The following CADPS2 variants were observed in gnomAD, a reference collection of about 807,000 sequenced individuals.
The protein encoded by CADPS2 is calcium dependent secretion activator 2.
A neutral mutation model predicts 172.5 loss-of-function variants in CADPS2; 93 were observed. That is an observed-to-expected ratio of 0.54 (90% confidence interval 0.46 to 0.64). CADPS2 has a LOEUF of 0.64. Among genes scored for constraint, CADPS2 ranks in the 30% least tolerant of loss-of-function variants. The pLI, the probability that CADPS2 is intolerant of heterozygous loss-of-function variation, is 0.00. For missense variants in CADPS2, 1,420 were observed against 1,565.9 expected, an observed-to-expected ratio of 0.91 and a Z score of 1.57; for synonymous variants, 546 against 555.2, an observed-to-expected ratio of 0.98 and a Z score of 0.23.
intron 1 of CADPS2, among the ~76,000 whole-genome samples, chr7:122,776,307 C>T (rs35918217): frequency 0.2 from 30,263 of 152,060 alleles, 3,142 homozygotes; most frequent in Middle Eastern, 0.3. Flanking sequence ...GTAAGACATG[C>T]CTTTGCTCTT....
In CADPS2 at chr7:122,709,510, G is replaced by A. The variant is rs567547045; in HGVS notation, c.453+27445C>T. 2.0e-5 allele frequency among the ~76,000 whole-genome samples: 3 copies of A among 151,710 alleles called. No individual in the cohort carries two copies. In the East Asian group the frequency reaches 5.8e-4, roughly 29 times the overall value. ...GGAAGCCAGTGCAGCGATTCCTCAG[G>A]GATCTAGAACTAGAAATACCATTTG... is the stretch of plus-strand genomic sequence containing the variant. On this transcript the variant is annotated intron_variant, in intron 2 of 29. Transcript: ENST00000449022.
intron 17 of CADPS2, among the ~76,000 whole-genome samples, chr7:122,431,475 C>T (rs1002648100): frequency 1.3e-5 from 2 of 152,074 alleles, no homozygotes; most frequent in African/African-American, 4.8e-5. Context: ...ACTTTCAACA[C>T]CTGACATCGT....
At chr7:122,479,347 A>T (rs1173929325) in intron 12 of CADPS2, among the ~76,000 whole-genome samples, 2 of 152,238 alleles carry the variant, frequency 1.3e-5, no homozygotes, top group African/African-American at 2.4e-5. Flanking sequence ...ACTCCCATAC[A>T]GCTTGAAAAT....
chr7:122,482,611 G>T (rs187503546), intron 11 of CADPS2, among the ~76,000 whole-genome samples: 1 of 152,128 alleles, frequency 6.6e-6, no homozygotes, highest in Non-Finnish European at 1.5e-5. Context: ...AACGCTGCAC[G>T]TTGGGCAACG....
chr7:122,340,701 A>C (rs2036634006), intron 28 of CADPS2, among the ~76,000 whole-genome samples: 1 of 152,112 alleles, frequency 6.6e-6, no homozygotes, highest in Non-Finnish European at 1.5e-5. Context: ...GTGAGCAGCC[A>C]CTCTGCCTGG....
intron 2 of CADPS2, among the ~76,000 whole-genome samples, chr7:122,671,505 G>A (rs997461341): frequency 1.3e-5 from 2 of 152,088 alleles, no homozygotes; most frequent in African/African-American, 2.4e-5. Flanking sequence ...AAGCCTAGGA[G>A]TTAAGAGGCT....
At chr7:122,753,548 G>T (rs979403122) in intron 1 of CADPS2, among the ~76,000 whole-genome samples, 1 of 152,130 alleles carries the variant, frequency 6.6e-6, no homozygotes, top group Non-Finnish European at 1.5e-5. Context: ...TTAAATAATG[G>T]TTTAGTGATA....
chr7:122,401,574 T>C (rs2045959567), intron 20 of CADPS2, among the ~76,000 whole-genome samples: 1 of 152,246 alleles, frequency 6.6e-6, no homozygotes, highest in East Asian at 1.9e-4. Flanking sequence ...GTACTAGCTT[T>C]ATAGTCACTC....
chr7:122,519,339 C>A (rs1023525201), intron 8 of CADPS2, among the ~76,000 whole-genome samples: 3 of 152,008 alleles, frequency 2.0e-5, no homozygotes, highest in African/African-American at 7.2e-5. Context: ...TGAACACATC[C>A]AACTTAAAGC....
intron 3 of CADPS2, among the ~76,000 whole-genome samples, chr7:122,653,063 G>A (rs1489028677): frequency 6.6e-6 from 1 of 152,062 alleles, no homozygotes; most frequent in Non-Finnish European, 1.5e-5. Flanking sequence ...ACCAAACGAT[G>A]GCCATCGATG....
intron 3 of CADPS2, among the ~76,000 whole-genome samples, chr7:122,656,838 T>A (rs2079856443): frequency 6.6e-6 from 1 of 152,238 alleles, no homozygotes; most frequent in Admixed American, 6.5e-5. Flanking sequence ...CAATTTTGGC[T>A]TTTGACGCCA....
At chr7:122,710,065 AT>A (rs1198748228) in intron 2 of CADPS2, among the ~76,000 whole-genome samples, 5 of 135,398 alleles carry the variant, frequency 3.7e-5, no homozygotes, top group South Asian at 5.2e-4. Flanking sequence ...AAAAAAAAAA[AT>A]GACCTTCTGC....
intron 17 of CADPS2, among the ~76,000 whole-genome samples, chr7:122,423,924 C>G (rs371749186): frequency 6.6e-6 from 1 of 152,192 alleles, no homozygotes; most frequent in Non-Finnish European, 1.5e-5. Context: ...AGGTGACCTA[C>G]GTAAACTTTG....
At chr7:122,694,871 C>T (rs2084866192) in intron 2 of CADPS2, among the ~76,000 whole-genome samples, 1 of 152,142 alleles carries the variant, frequency 6.6e-6, no homozygotes, top group Non-Finnish European at 1.5e-5. Context: ...GAGAAAGACT[C>T]CTTCACAGTA....
intron 4 of CADPS2, among the ~76,000 whole-genome samples, chr7:122,624,381 T>C (rs1193907866): frequency 6.6e-6 from 1 of 152,162 alleles, no homozygotes; most frequent in African/African-American, 2.4e-5. Context: ...AAAAAGTTTT[T>C]CTCATTATTC....
In CADPS2 at chr7:122,580,003, A is replaced by G. The variant is rs1016364912; in HGVS notation, c.1335+1176T>C. On this transcript the variant is annotated intron_variant, in intron 7 of 29. Coordinates refer to ENST00000449022, the MANE Select transcript of CADPS2 (RefSeq NM_017954.11). ...AATCCTGACTTCAGTTTTTTAAAAA[A>G]TTTCTAGTATACAGAATGATCCTAG... is the stretch of plus-strand genomic sequence containing the variant. 6.6e-5 allele frequency among the ~76,000 whole-genome samples: 10 copies of G among 152,120 alleles called. No individual in the cohort carries two copies. In the East Asian group the frequency reaches 1.7e-3, roughly 26 times the overall value.
At chr7:122,854,375 A>G (rs1482345280) in intron 1 of CADPS2, among the ~76,000 whole-genome samples, 5 of 152,154 alleles carry the variant, frequency 3.3e-5, no homozygotes, top group African/African-American at 4.8e-5. Flanking sequence ...TGTCTCAGAA[A>G]AAAAAGAAAT....
chr7:122,444,184 T>C (rs1003388157), intron 15 of CADPS2, among the ~76,000 whole-genome samples: 2 of 152,168 alleles, frequency 1.3e-5, no homozygotes, highest in African/African-American at 2.4e-5. Context: ...TAGTATTCCA[T>C]TGCATGGCAT....
intron 1 of CADPS2, among the ~76,000 whole-genome samples, chr7:122,739,377 T>C (rs2092354705): frequency 1.3e-5 from 2 of 152,222 alleles, no homozygotes; most frequent in Non-Finnish European, 2.9e-5. Flanking sequence ...ATCTTTTTTG[T>C]TCTTTAAAAC....
Sources: gnomAD v4.1 joint callset for allele counts (sites outside exome capture counted in the v4.1 genomes callset) on GRCh38, gnomAD v4.1.1 for gene constraint, MANE v1.5 for transcripts, NCBI Gene and HGNC (gene_info 2026-07-23, HGNC 2026-07-21) for gene names.